The following PITPNC1 variants were observed in gnomAD, a reference collection of about 807,000 sequenced individuals.
The protein encoded by PITPNC1 is phosphatidylinositol transfer protein cytoplasmic 1.
PITPNC1 carries 18 observed loss-of-function variants against 44.7 expected under a neutral mutation model. The ratio of observed to expected loss-of-function variants is 0.40; its 90% CI spans 0.28 to 0.60. The LOEUF (loss-of-function observed/expected upper bound fraction) is 0.60, where lower values mean the gene tolerates loss of function less well. Ranked by LOEUF, PITPNC1 falls within the 20% of genes least tolerant of loss-of-function variation. The pLI is 0.39. For missense variants in PITPNC1, 290 were observed against 418.4 expected (o/e 0.69, Z 2.68); for synonymous variants, 141 against 149.6 (o/e 0.94, Z 0.42).
intron 1 of PITPNC1, among the ~76,000 whole-genome samples, chr17:67,405,074 C>T (rs1170265832): frequency 2.0e-5 from 3 of 152,002 alleles, no homozygotes; most frequent in Non-Finnish European, 2.9e-5. Context: ...TGGTGAAACC[C>T]TGTGTCTACT....
intron 1 of PITPNC1, among the ~76,000 whole-genome samples, chr17:67,519,171 GTTTTTTTTTTTTTT>G (rs563294178): frequency 1.3e-5 from 1 of 78,752 alleles, no homozygotes. Context: ...GCAGCATTCT[GTTTTTTTTTTTTTT>G]TTTTTTTTTG....
At chr17:67,389,901 G>A (rs61444486) in intron 1 of PITPNC1, among the ~76,000 whole-genome samples, 3,140 of 152,068 alleles carry the variant, frequency 0.021, 107 homozygotes, top group African/African-American at 0.07. Context: ...GGATGGTCTC[G>A]AACTCCTGAC....
intron 5 of PITPNC1, among the ~76,000 whole-genome samples, chr17:67,587,347 A>T (rs1438609456): frequency 1.3e-5 from 2 of 151,950 alleles, no homozygotes; most frequent in African/African-American, 4.8e-5. Flanking sequence ...AAATTTAATT[A>T]GCTGGACATG....
At chr17:67,559,447 G>T (rs551072186) in intron 4 of PITPNC1, among the ~76,000 whole-genome samples, 6 of 152,288 alleles carry the variant, frequency 3.9e-5, no homozygotes, top group African/African-American at 1.4e-4. Context: ...ATTAACCCTC[G>T]ATATTTAGTG....
chr17:67,489,075 T>C (rs575671597), intron 1 of PITPNC1, among the ~76,000 whole-genome samples: 1 of 152,368 alleles, frequency 6.6e-6, no homozygotes, highest in African/African-American at 2.4e-5. Context: ...AAATACCTGT[T>C]TGAGCCTCTG....
Position 67,489,776 on chromosome 17 carries a change from C to T in PITPNC1, c.49-43026C>T, listed in dbSNP as rs574110157. 7.8e-4 allele frequency among the ~76,000 whole-genome samples: 119 copies of T among 152,166 alleles called. 1 individual carries two copies. Among genetic ancestry groups the T allele is most frequent in the Middle Eastern group, 3.4e-3 (1 of 294 alleles). On this transcript the variant is annotated intron_variant, in intron 1 of 8. Coordinates refer to ENST00000581322, the MANE Select transcript of PITPNC1 (RefSeq NM_012417.4). The stretch of plus-strand genomic sequence containing the variant: ...TCTTTTTTAATTTGAGATGGAGTCT[C>T]GCTCTGTCCCAGGCTAGAGTGCAGT...
chr17:67,587,549 A>G (rs1038190040), intron 5 of PITPNC1, among the ~76,000 whole-genome samples: 1 of 152,096 alleles, frequency 6.6e-6, no homozygotes, highest in Non-Finnish European at 1.5e-5. Context: ...TCAGAGAGGG[A>G]TGTGGGTCAT....
chr17:67,469,655 G>C (rs1298021669), intron 1 of PITPNC1, among the ~76,000 whole-genome samples: 1 of 152,102 alleles, frequency 6.6e-6, no homozygotes, highest in Non-Finnish European at 1.5e-5. Context: ...CCACCTCTCT[G>C]GGTCCCTCAG....
intron 1 of PITPNC1, among the ~76,000 whole-genome samples, chr17:67,414,097 T>TG (rs1211272778): frequency 2.7e-5 from 3 of 109,280 alleles, no homozygotes; most frequent in African/African-American, 1.2e-4. Context: ...GAGTTTGAAC[T>TG]GAAAAAAAAA....
At chr17:67,440,611 A>T (rs1475163082) in intron 1 of PITPNC1, among the ~76,000 whole-genome samples, 1 of 151,554 alleles carries the variant, frequency 6.6e-6, no homozygotes, top group Non-Finnish European at 1.5e-5. Context: ...GGCTCACTGC[A>T]GTCTCTACCT....
At chr17:67,560,516 G>T (rs1430466029) in intron 4 of PITPNC1, among the ~76,000 whole-genome samples, 3 of 152,150 alleles carry the variant, frequency 2.0e-5, no homozygotes, top group African/African-American at 7.2e-5. Flanking sequence ...GATGGCAGTG[G>T]GTTTGTGCAT....
intron 8 of PITPNC1, among the ~76,000 whole-genome samples, chr17:67,685,504 C>T (rs1047374277): frequency 2.0e-5 from 3 of 152,174 alleles, no homozygotes; most frequent in Non-Finnish European, 4.4e-5. Context: ...AGACACCAAA[C>T]CACATGATGC....
rs2040131293 is a variant in PITPNC1 at position 67,508,085 on chromosome 17, C to T, written c.49-24717C>T. 6.6e-6 allele frequency among the ~76,000 whole-genome samples: 1 copy of T among 152,178 alleles called. No individual in the cohort carries two copies. Among genetic ancestry groups the T allele is most frequent in the Non-Finnish European group, 1.5e-5 (1 of 68,042 alleles). ...TATATTTAATTCCCAAGAGTAATCT[C>T]CGTTCTCCCATCCTACCAGTTACGC... On this transcript the variant is annotated intron_variant, in intron 1 of 8. Coordinates refer to ENST00000581322, the MANE Select transcript of PITPNC1 (RefSeq NM_012417.4). The surrounding 1 kb of genome is among the most constrained non-coding windows in gnomAD (Gnocchi z 4.2).
At chr17:67,551,562 C>G (rs1206136832) in intron 2 of PITPNC1, among the ~76,000 whole-genome samples, 1 of 152,174 alleles carries the variant, frequency 6.6e-6, no homozygotes, top group Non-Finnish European at 1.5e-5. Flanking sequence ...TCTCAAATCT[C>G]TTTCTCCTTT....
At position 67,460,740 on chromosome 17, in the gene PITPNC1, C is replaced by CTT. The variant is rs138545288; in HGVS notation, c.49-72041_49-72040dup. Among the ~76,000 whole-genome samples, 25 of 121,540 alleles carry CTT rather than the reference C, an allele frequency of 2.1e-4. No individual in the cohort carries two copies. In the East Asian group the frequency reaches 2.6e-3, roughly 13 times the overall value. The allele number at this position is 121,540 out of a possible 152,430, so 79.7% of individuals were successfully genotyped here. On this transcript the variant is annotated intron_variant, in intron 1 of 8. Coordinates refer to ENST00000581322, the MANE Select transcript of PITPNC1 (RefSeq NM_012417.4). ...CTTTCTTTTTTCTTTTTCTTTCTTT[C>CTT]TTTTTTTTTTTTTTTTTTTTTTGAG...
chr17:67,543,149 T>C (rs2040631279), intron 2 of PITPNC1, among the ~76,000 whole-genome samples: 1 of 152,088 alleles, frequency 6.6e-6, no homozygotes, highest in Non-Finnish European at 1.5e-5. Flanking sequence ...GGCTTAAGAG[T>C]GGGCAGAAAT....
At position 67,694,449 on chromosome 17, in the gene PITPNC1, T is replaced by C. The variant is rs2042977610; in HGVS notation, c.*1561T>C. ...TTCTCTCACACAGCCTCTCTGCCAG[T>C]GGACCCTGCCTGCTTCCCTCTCAGT... On this transcript the variant is annotated 3_prime_UTR_variant, in exon 9 of 9. Transcript: ENST00000581322. 6.6e-6 allele frequency: 1 copy of C among 152,584 alleles called. No individual in the cohort carries two copies. Among genetic ancestry groups the C allele is most frequent in the South Asian group, 2.1e-4 (1 of 4,826 alleles). The allele number at this position is 152,584 out of a possible 1,614,324, so 9.5% of individuals were successfully genotyped here.
chr17:67,408,681 C>CTTT (rs1567978323), intron 1 of PITPNC1: 15 of 17,480 alleles, frequency 8.6e-4, no homozygotes, highest in African/African-American at 1.8e-3. Flanking sequence ...TCTCTTTCTT[C>CTTT]CTTCCTTCCT....
chr17:67,473,122 C>T (rs900317053), intron 1 of PITPNC1, among the ~76,000 whole-genome samples: 3 of 152,084 alleles, frequency 2.0e-5, no homozygotes, highest in Non-Finnish European at 4.4e-5. Context: ...GTGATCCACC[C>T]GCCTTGGCCT....
Sources: allele counts gnomAD v4.1 joint callset (sites outside exome capture counted in the v4.1 genomes callset), GRCh38; gene constraint gnomAD v4.1.1; non-coding constraint Gnocchi (gnomAD v3.1); transcripts MANE v1.5; gene names NCBI Gene and HGNC (gene_info 2026-07-23, HGNC 2026-07-21).